The following NME7 variants were observed in gnomAD, a reference collection of about 807,000 sequenced individuals.
NME7 encodes NME/NM23 family member 7.
NME7 carries 41 observed loss-of-function variants against 49.1 expected under a neutral mutation model. The ratio of observed to expected loss-of-function variants is 0.83; its 90% CI spans 0.65 to 1.08. NME7 has a LOEUF of 1.08. NME7 is among the 50% of genes least tolerant of loss of function. NME7 has a pLI of 0.00. For missense variants in NME7, 423 were observed against 463.4 expected, an observed-to-expected ratio of 0.91 and a Z score of 0.80; for synonymous variants, 139 against 150.6, an observed-to-expected ratio of 0.92 and a Z score of 0.56.
At chr1:169,228,188 T>G (rs1647425622) in intron 10 of NME7, among the ~76,000 whole-genome samples, 2 of 152,028 alleles carry the variant, frequency 1.3e-5, no homozygotes, top group African/African-American at 4.8e-5. Flanking sequence ...GGATTACAGG[T>G]GTGTGCTACC....
chr1:169,362,942 T>C (rs1182443435), intron 1 of NME7, among the ~76,000 whole-genome samples: 1 of 152,162 alleles, frequency 6.6e-6, no homozygotes, highest in Non-Finnish European at 1.5e-5. Flanking sequence ...ATTTTGCCTT[T>C]TAAACTATAT....
intron 10 of NME7, among the ~76,000 whole-genome samples, chr1:169,214,610 T>C (rs566376581): frequency 1.3e-5 from 2 of 152,328 alleles, no homozygotes; most frequent in South Asian, 4.1e-4. Flanking sequence ...CTTTGTAACT[T>C]TCTCCAGGAC....
intron 11 of NME7, among the ~76,000 whole-genome samples, chr1:169,150,418 G>A (rs1455789486): frequency 6.6e-6 from 1 of 152,084 alleles, no homozygotes; most frequent in Non-Finnish European, 1.5e-5. Context: ...AAGGGCCCTT[G>A]CTAACCCCTT....
intron 1 of NME7, among the ~76,000 whole-genome samples, chr1:169,350,087 G>C (rs926972498): frequency 3.8e-4 from 58 of 151,988 alleles, no homozygotes; most frequent in African/African-American, 1.2e-3. Flanking sequence ...AGCTACTCAG[G>C]AGGCTGAGGC....
chr1:169,267,610 A>G lies in NME7; in HGVS notation c.754+19693T>C, dbSNP rs1404691838. ...GAGCAGGATAGAGAGCCCAGATATA[A>G]ACCCACACACCTACAACCATCTGAT... is the stretch of plus-strand genomic sequence containing the variant. On this transcript the variant is annotated intron_variant, in intron 7 of 11. Transcript: ENST00000367811. Among the ~76,000 whole-genome samples, 11 of 132,958 alleles carry G rather than the reference A, an allele frequency of 8.3e-5. 4 individuals are homozygous for G. Among genetic ancestry groups the G allele is most frequent in the Non-Finnish European group, 1.9e-4 (11 of 56,578 alleles). 87.2% of individuals were successfully genotyped at this position (132,958 alleles called of 152,430 possible). A position where few individuals can be genotyped will look rare whatever the true frequency, so the allele number is the denominator to read the frequency against.
At chr1:169,283,247 T>A (rs1650111568) in intron 7 of NME7, among the ~76,000 whole-genome samples, 1 of 152,222 alleles carries the variant, frequency 6.6e-6, no homozygotes, top group African/African-American at 2.4e-5. Flanking sequence ...AAGTCTGTTT[T>A]ATCAGAGATT....
intron 10 of NME7, among the ~76,000 whole-genome samples, chr1:169,219,386 A>G (rs77710458): frequency 0.015 from 2,211 of 152,322 alleles, 58 homozygotes; most frequent in African/African-American, 0.05. Flanking sequence ...ATTAAGTAGT[A>G]ATAGTAATCT....
intron 10 of NME7, among the ~76,000 whole-genome samples, chr1:169,172,324 G>A (rs71635609): frequency 6.2e-4 from 38 of 61,540 alleles, no homozygotes; most frequent in Non-Finnish European, 2.4e-4. Flanking sequence ...AAAAACATAC[G>A]TGTGTGTGTG....
intron 11 of NME7, among the ~76,000 whole-genome samples, chr1:169,143,764 G>A (rs1022933919): frequency 6.6e-6 from 1 of 152,160 alleles, no homozygotes; most frequent in Non-Finnish European, 1.5e-5. Flanking sequence ...TGCACTGACA[G>A]CTCTGTACAT....
In NME7 at chr1:169,283,803, G is replaced by T. The variant is rs538772554; in HGVS notation, c.754+3500C>A. ...CTCTCTTCTGGCTTGTAGGGTTTCT[G>T]CAAAGATATCTGCTGTTAGTCTGAA... On this transcript the variant is annotated intron_variant, in intron 7 of 11. Coordinates refer to ENST00000367811, the MANE Select transcript of NME7 (RefSeq NM_013330.5). The T allele has an allele frequency of 3.9e-5, 6 of 152,330 alleles. No homozygotes were observed. In the South Asian group the frequency reaches 6.2e-4, roughly 16 times the overall value. The allele number at this position is 152,330 out of a possible 1,614,324, so 9.4% of individuals were successfully genotyped here.
At chr1:169,158,291 A>G (rs1659141936) in intron 11 of NME7, among the ~76,000 whole-genome samples, 2 of 152,238 alleles carry the variant, frequency 1.3e-5, no homozygotes, top group Admixed American at 1.3e-4. Flanking sequence ...ACAGTAAGAG[A>G]TTAACAATAA....
At chr1:169,178,382 C>T (rs897922515) in intron 10 of NME7, among the ~76,000 whole-genome samples, 2 of 152,098 alleles carry the variant, frequency 1.3e-5, no homozygotes, top group Admixed American at 1.3e-4. Context: ...AATGTTGCTA[C>T]AGGCAGACAA....
intron 1 of NME7, among the ~76,000 whole-genome samples, chr1:169,345,654 G>C (rs2101968774): frequency 6.6e-6 from 1 of 152,142 alleles, no homozygotes; most frequent in Non-Finnish European, 1.5e-5. Flanking sequence ...CTACAACTTG[G>C]TCTTTGGACC....
intron 10 of NME7, among the ~76,000 whole-genome samples, chr1:169,173,486 T>C (rs546525572): frequency 6.6e-6 from 1 of 152,232 alleles, no homozygotes; most frequent in East Asian, 1.9e-4. Flanking sequence ...AACTTAAAGA[T>C]ATAAAACAAT....
chr1:169,181,815 T>C (rs894664810), intron 10 of NME7, among the ~76,000 whole-genome samples: 5 of 152,194 alleles, frequency 3.3e-5, no homozygotes, highest in Non-Finnish European at 7.3e-5. Context: ...TTTATTACTC[T>C]GGACCATTCC....
intron 7 of NME7, among the ~76,000 whole-genome samples, chr1:169,268,113 T>C (rs1649375013): frequency 1.5e-5 from 2 of 132,542 alleles, no homozygotes; most frequent in Non-Finnish European, 3.5e-5. Flanking sequence ...AACAACCCCA[T>C]AACACAGTGG....
At chr1:169,273,991 T>C (rs544515517) in intron 7 of NME7, among the ~76,000 whole-genome samples, 2 of 132,704 alleles carry the variant, frequency 1.5e-5, no homozygotes, top group South Asian at 2.4e-4. Context: ...AGTAATGGGA[T>C]TGCTGGGTCA....
intron 11 of NME7, among the ~76,000 whole-genome samples, chr1:169,162,587 T>TA (rs763485373): frequency 1.3e-5 from 2 of 152,168 alleles, no homozygotes; most frequent in Non-Finnish European, 2.9e-5. Flanking sequence ...CTCTCACCTA[T>TA]AATCCCAAAA....
intron 10 of NME7, among the ~76,000 whole-genome samples, chr1:169,220,599 CACTT>C (rs1260726287): frequency 6.6e-6 from 1 of 152,130 alleles, no homozygotes; most frequent in African/African-American, 2.4e-5. Context: ...ATCACTGAAT[CACTT>C]AATAGGTATT....
Sources: allele counts gnomAD v4.1 joint callset (sites outside exome capture counted in the v4.1 genomes callset), GRCh38; gene constraint gnomAD v4.1.1; transcripts MANE v1.5; gene names NCBI Gene and HGNC (gene_info 2026-07-23, HGNC 2026-07-21).